The following SPPL3 variants were observed in gnomAD, a reference collection of about 807,000 sequenced individuals.
SPPL3 encodes signal peptide peptidase like 3.
SPPL3 carries 5 observed loss-of-function variants against 42.4 expected under a neutral mutation model. The observed-to-expected ratio is 0.12, with a 90% CI of 0.06 to 0.25. The LOEUF (loss-of-function observed/expected upper bound fraction) is 0.25, where lower values mean the gene tolerates loss of function less well. SPPL3 is among the 10% of genes least tolerant of loss of function. The probability of loss-of-function intolerance (pLI) is 1.00; values close to 1 mark genes in which losing one functional copy is unlikely to be tolerated. For missense variants in SPPL3, 235 were observed against 489.0 expected (o/e 0.48, Z 4.90); for synonymous variants, 195 against 181.8 (o/e 1.07, Z -0.58).
At chr12:120,818,452 G>A (rs79743955) in intron 1 of SPPL3, among the ~76,000 whole-genome samples, 28 of 152,286 alleles carry the variant, frequency 1.8e-4, no homozygotes, top group Non-Finnish European at 2.1e-4. Context: ...TAAACCCTAA[G>A]ATTTTTAGAA....
chr12:120,839,244 G>C (rs1367846533), intron 1 of SPPL3, among the ~76,000 whole-genome samples: 1 of 150,864 alleles, frequency 6.6e-6, no homozygotes, highest in East Asian at 2.0e-4. Flanking sequence ...CATTCTCAGT[G>C]AACTACTGCA....
intron 1 of SPPL3, among the ~76,000 whole-genome samples, chr12:120,856,424 G>A (rs1440217557): frequency 8.6e-5 from 13 of 150,508 alleles, no homozygotes; most frequent in African/African-American, 3.2e-4. Flanking sequence ...GGAGGGCAGA[G>A]CAGAAGAATA....
intron 1 of SPPL3, among the ~76,000 whole-genome samples, chr12:120,861,112 T>C (rs1872605052): frequency 6.6e-6 from 1 of 152,206 alleles, no homozygotes; most frequent in South Asian, 2.1e-4. Context: ...ATTACTTTTG[T>C]TTTTTCTCCC....
chr12:120,821,938 C>T (rs142878898), intron 1 of SPPL3, among the ~76,000 whole-genome samples: 62 of 152,258 alleles, frequency 4.1e-4, no homozygotes, highest in African/African-American at 1.4e-3. Flanking sequence ...AATTCTGATA[C>T]ATGCTACAAC....
At chr12:120,825,789 T>C (rs1319860519) in intron 1 of SPPL3, among the ~76,000 whole-genome samples, 2 of 152,090 alleles carry the variant, frequency 1.3e-5, no homozygotes, top group Non-Finnish European at 2.9e-5. Context: ...TCAGTGTAGA[T>C]AAATTGGGCA....
At chr12:120,778,390 T>C (rs566893620) in intron 6 of SPPL3, among the ~76,000 whole-genome samples, 1 of 152,214 alleles carries the variant, frequency 6.6e-6, no homozygotes, top group Admixed American at 6.5e-5. Context: ...GTGCTGGGAT[T>C]ACAAGCATGA....
chr12:120,797,819 T>C (rs890457934), intron 2 of SPPL3, among the ~76,000 whole-genome samples: 6 of 152,158 alleles, frequency 3.9e-5, no homozygotes, highest in Admixed American at 6.5e-5. Context: ...GATCTTAACT[T>C]CGTAGTTTCC....
chr12:120,899,935 G>T (rs1419406164), intron 1 of SPPL3, among the ~76,000 whole-genome samples: 3 of 145,618 alleles, frequency 2.1e-5, no homozygotes, highest in African/African-American at 7.6e-5. Context: ...GGGGTGGTCA[G>T]AAAATGCTTC....
chr12:120,882,811 T>G (rs11065308), intron 1 of SPPL3, among the ~76,000 whole-genome samples: 5,529 of 152,190 alleles, frequency 0.036, 141 homozygotes, highest in South Asian at 0.066. Context: ...AAAGATTGCT[T>G]GAGGCTAGGA....
intron 5 of SPPL3, 45 bp downstream of exon 5, chr12:120,783,629 A>G: frequency 6.6e-7 from 1 of 1,511,622 alleles, no homozygotes; most frequent in Non-Finnish European, 9.0e-7. Flanking sequence ...TGACAGAAAA[A>G]TATATACAAG....
chr12:120,867,015 G>A (rs1009089658), intron 1 of SPPL3, among the ~76,000 whole-genome samples: 3 of 152,160 alleles, frequency 2.0e-5, no homozygotes, highest in Non-Finnish European at 4.4e-5. Flanking sequence ...TAAGTCATGA[G>A]TCAGTCATAG....
intron 6 of SPPL3, among the ~76,000 whole-genome samples, chr12:120,774,684 T>C (rs1335539781): frequency 6.6e-6 from 1 of 151,974 alleles, no homozygotes; most frequent in Non-Finnish European, 1.5e-5. Flanking sequence ...AGCAATGTCG[T>C]ATTCCCAGAA....
In SPPL3 at chr12:120,763,754, G is replaced by GGT. The variant is rs1868757503; in HGVS notation, c.*1243_*1244dup. 6.6e-6 allele frequency: 1 copy of GGT among 151,874 alleles called. No individual in the cohort carries two copies. The highest frequency in any genetic ancestry group is 6.6e-5 in the Admixed American group (1 of 15,114). The allele number at this position is 151,874 out of a possible 1,614,324, so 9.4% of individuals were successfully genotyped here. ...TCCCCAACACCCGGTTGTCACCACA[G>GGT]GTAAACCAAGACTATAATCACAACA... On this transcript the variant is annotated 3_prime_UTR_variant, in exon 11 of 11. Coordinates refer to ENST00000353487, the MANE Select transcript of SPPL3 (RefSeq NM_139015.5).
At chr12:120,818,795 T>C (rs548577132) in intron 1 of SPPL3, among the ~76,000 whole-genome samples, 1 of 147,506 alleles carries the variant, frequency 6.8e-6, no homozygotes, top group Admixed American at 7.0e-5. Context: ...ATTTACCGTA[T>C]TAAATTAAAA....
intron 1 of SPPL3, among the ~76,000 whole-genome samples, chr12:120,831,112 C>T (rs574644981): frequency 3.9e-5 from 6 of 152,146 alleles, no homozygotes; most frequent in South Asian, 4.2e-4. Context: ...CATTCAACTT[C>T]GGTCCTTAGA....
intron 1 of SPPL3, among the ~76,000 whole-genome samples, chr12:120,863,479 C>T (rs984271319): frequency 2.6e-5 from 4 of 152,146 alleles, no homozygotes; most frequent in Admixed American, 6.5e-5. Context: ...GCAGTATTCT[C>T]GTATCTGCTT....
At chr12:120,863,073 C>G (rs1321085926) in intron 1 of SPPL3, among the ~76,000 whole-genome samples, 1 of 152,192 alleles carries the variant, frequency 6.6e-6, no homozygotes, top group South Asian at 2.1e-4. Context: ...CTAGGCCAGG[C>G]ATGGTGGCAC....
chr12:120,765,121 C>T, intron 10 of SPPL3, 51 bp from the exon 11 acceptor site: 1 of 1,571,142 alleles, frequency 6.4e-7, no homozygotes, highest in Non-Finnish European at 8.7e-7. Flanking sequence ...GAGGCACACA[C>T]AGCTGTCTGA....
chr12:120,807,389 C>T (rs1467932681), intron 2 of SPPL3, among the ~76,000 whole-genome samples: 2 of 151,904 alleles, frequency 1.3e-5, no homozygotes, highest in Admixed American at 6.6e-5. Context: ...ACAAAGAAAA[C>T]GGGAGGCTGG....
Sources: allele counts gnomAD v4.1 joint callset (sites outside exome capture counted in the v4.1 genomes callset), GRCh38; gene constraint gnomAD v4.1.1; transcripts MANE v1.5; gene names NCBI Gene and HGNC (gene_info 2026-07-23, HGNC 2026-07-21).